The following PACS1 variants were observed in gnomAD, a reference collection of about 807,000 sequenced individuals.
PACS1 encodes the protein PACS-1.
A neutral mutation model predicts 115.0 loss-of-function variants in PACS1; 24 were observed. That is an observed-to-expected ratio of 0.21 (90% CI 0.15 to 0.29). PACS1 has a LOEUF of 0.29. PACS1 is among the 10% of genes least tolerant of loss of function. The pLI is 1.00. For missense variants in PACS1, 838 were observed against 1,251.2 expected (o/e 0.67, Z 4.98); for synonymous variants, 453 against 504.5 (o/e 0.90, Z 1.37).
In PACS1 at chr11:66,195,855, C is replaced by A. The variant is rs187445940; in HGVS notation, c.444+2282C>A. On this transcript the variant is annotated intron_variant, in intron 2 of 23. Transcript: ENST00000320580. ...TGAGCAGTAATTCCCCAAAGGAGAT[C>A]TGCAGACCCTGAGGTCTCTAAGACA... 5.3e-5 allele frequency among the ~76,000 whole-genome samples: 8 copies of A among 152,342 alleles called. No homozygotes were observed. The East Asian group carries it at 1.5e-3, about 29-fold the overall frequency.
At position 66,238,619 on chromosome 11, in the gene PACS1, G is replaced by A. The variant is rs959126947; in HGVS notation, c.2251-185G>A. The A allele has an allele frequency of 1.2e-5, 7 of 600,178 alleles. No homozygotes were observed. The East Asian group carries it at 1.9e-4, about 16-fold the overall frequency. 37.2% of individuals were successfully genotyped at this position (600,178 alleles called of 1,614,324 possible). On this transcript the variant is annotated intron_variant, in intron 19 of 23. Coordinates refer to ENST00000320580, the MANE Select transcript of PACS1 (RefSeq NM_018026.4). Reference sequence around the variant, plus strand: ...AGGTTCAAGCGATTCTCCTATCTCAGCCTCCCAAAGTGCTGGGATTACAGG... The same window carrying A: ...AGGTTCAAGCGATTCTCCTATCTCAACCTCCCAAAGTGCTGGGATTACAGG...
intron 1 of PACS1, among the ~76,000 whole-genome samples, chr11:66,080,976 C>G (rs182688473): frequency 3.6e-4 from 55 of 152,202 alleles, no homozygotes; most frequent in African/African-American, 1.2e-3. Flanking sequence ...TACTTATAAC[C>G]CCAGCAATTT....
chr11:66,193,333 G>A (rs1364169013), intron 1 of PACS1, among the ~76,000 whole-genome samples, 153 bp from the exon 2 acceptor site: 1 of 152,084 alleles, frequency 6.6e-6, no homozygotes, highest in Non-Finnish European at 1.5e-5. Context: ...AAGTAAGAGG[G>A]GATGCTCTTC....
chr11:66,161,101 AGT>A (rs1227112620), intron 1 of PACS1, among the ~76,000 whole-genome samples: 1 of 152,168 alleles, frequency 6.6e-6, no homozygotes, highest in Non-Finnish European at 1.5e-5. Context: ...GGCAGAGGTA[AGT>A]GTATGTGTTT....
intron 4 of PACS1, among the ~76,000 whole-genome samples, chr11:66,215,669 C>CG (rs1855183802): frequency 6.6e-6 from 1 of 151,804 alleles, no homozygotes; most frequent in South Asian, 2.1e-4. Flanking sequence ...GAGGCCGAGG[C>CG]GGGCAGATCA....
Position 66,136,666 on chromosome 11 carries a change from C to G in PACS1, c.357-56820C>G, listed in dbSNP as rs1858853317. 2.0e-5 allele frequency among the ~76,000 whole-genome samples: 3 copies of G among 152,148 alleles called. No individual in the cohort carries two copies. In the South Asian group the frequency reaches 6.2e-4, roughly 32 times the overall value. On this transcript the variant is annotated intron_variant, in intron 1 of 23. Coordinates refer to ENST00000320580, the MANE Select transcript of PACS1 (RefSeq NM_018026.4). ...TCCAAAAAACTTCATACAAGTTGACCCTCATCTAGCCTTGGCCCGAGTGCT... is the reference window on the plus strand; with the variant it reads ...TCCAAAAAACTTCATACAAGTTGACGCTCATCTAGCCTTGGCCCGAGTGCT...
chr11:66,174,761 C>T (rs1322150299), intron 1 of PACS1, among the ~76,000 whole-genome samples: 1 of 152,076 alleles, frequency 6.6e-6, no homozygotes, highest in Non-Finnish European at 1.5e-5. Context: ...CACAAGGGGT[C>T]GTATTTTGAT....
At chr11:66,227,192 G>A (rs1406694061) in intron 10 of PACS1, among the ~76,000 whole-genome samples, 2 of 152,210 alleles carry the variant, frequency 1.3e-5, no homozygotes, top group Admixed American at 1.3e-4. Flanking sequence ...CAGGGTCAAA[G>A]ACTTCATGGA....
intron 1 of PACS1, among the ~76,000 whole-genome samples, chr11:66,129,015 G>A (rs577809478): frequency 3.9e-4 from 60 of 152,192 alleles, no homozygotes; most frequent in African/African-American, 1.2e-3. Flanking sequence ...AATGATCTGC[G>A]TCTTGGCTAT....
chr11:66,070,958 G>A lies in PACS1; in HGVS notation c.356+116G>A. 1 of 1,079,760 alleles carries A rather than the reference G, an allele frequency of 9.3e-7. No homozygotes were observed. Among genetic ancestry groups the A allele is most frequent in the Non-Finnish European group, 1.2e-6 (1 of 820,252 alleles). The allele number at this position is 1,079,760 out of a possible 1,614,324, so 66.9% of individuals were successfully genotyped here. Reference sequence around the variant, plus strand: ...CCCTCCATCTCCCCGACTGTCCCGCGGCCCGGCCTGGCTCCAGCCAGGCCT... The same window carrying A: ...CCCTCCATCTCCCCGACTGTCCCGCAGCCCGGCCTGGCTCCAGCCAGGCCT... On this transcript the variant is annotated intron_variant, in intron 1 of 23. Coordinates refer to ENST00000320580, the MANE Select transcript of PACS1 (RefSeq NM_018026.4). This position sits in a 1 kb window ranked among gnomAD's most constrained non-coding sequence, Gnocchi z 5.9.
At chr11:66,217,884 C>T (rs1855250123) in intron 7 of PACS1, 7 of 274,788 alleles carry the variant, frequency 2.5e-5, no homozygotes, top group South Asian at 1.6e-4. Flanking sequence ...TTCTTCCCAA[C>T]GGGTGCCCCC....
chr11:66,224,338 G>T (rs1193939986), intron 10 of PACS1, among the ~76,000 whole-genome samples: 4 of 152,142 alleles, frequency 2.6e-5, no homozygotes, highest in Non-Finnish European at 5.9e-5. Flanking sequence ...CACTGACTGT[G>T]TGATCTTGGG....
At chr11:66,124,038 G>A (rs1433703210) in intron 1 of PACS1, among the ~76,000 whole-genome samples, 4 of 152,202 alleles carry the variant, frequency 2.6e-5, no homozygotes, top group Non-Finnish European at 5.9e-5. Flanking sequence ...ACTGTCAAGG[G>A]CAGGCATTCT....
chr11:66,108,600 A>G (rs1042042653), intron 1 of PACS1, among the ~76,000 whole-genome samples: 1 of 152,012 alleles, frequency 6.6e-6, no homozygotes, highest in Admixed American at 6.6e-5. Flanking sequence ...TTATCTCTAC[A>G]AAGAAAAAAA....
At chr11:66,178,727 T>C (rs1302948265) in intron 1 of PACS1, among the ~76,000 whole-genome samples, 1 of 152,172 alleles carries the variant, frequency 6.6e-6, no homozygotes, top group East Asian at 1.9e-4. Flanking sequence ...TCAGATCTCT[T>C]TACTGTGTGG....
chr11:66,233,648 CCTCT>C lies in PACS1; in HGVS notation c.1839-134_1839-131del. ...CACTGTGGCTTATTCCCTGTATGAT[CCTCT>C]CTGTTTTATTTTGTGGATTGGTTTG... On this transcript the variant is annotated intron_variant, in intron 15 of 23. Transcript: ENST00000320580. The surrounding 1 kb of genome is among the most constrained non-coding windows in gnomAD (Gnocchi z 4.5). 5.1e-6 allele frequency: 4 copies of C among 777,240 alleles called. No individual in the cohort carries two copies. The highest frequency in any genetic ancestry group is 8.1e-6 in the Non-Finnish European group (4 of 493,550). The allele number at this position is 777,240 out of a possible 1,614,324, so 48.1% of individuals were successfully genotyped here. A position where few individuals can be genotyped will look rare whatever the true frequency, so the allele number is the denominator to read the frequency against.
intron 10 of PACS1, among the ~76,000 whole-genome samples, chr11:66,225,019 A>G (rs1339115319): frequency 6.6e-6 from 1 of 152,232 alleles, no homozygotes; most frequent in East Asian, 1.9e-4. Flanking sequence ...CAATGGCAAC[A>G]TAATTTGGTT....
At chr11:66,135,927 G>T (rs1858831286) in intron 1 of PACS1, among the ~76,000 whole-genome samples, 1 of 152,042 alleles carries the variant, frequency 6.6e-6, no homozygotes, top group Non-Finnish European at 1.5e-5. Flanking sequence ...AAAGTGCTGG[G>T]ATTACAGGCG....
intron 2 of PACS1, among the ~76,000 whole-genome samples, chr11:66,194,271 C>G (rs1284457202): frequency 6.6e-6 from 1 of 152,064 alleles, no homozygotes; most frequent in African/African-American, 2.4e-5. Context: ...GCCTGCACTT[C>G]AGAGGTTTTC....
Sources: gnomAD v4.1 joint callset for allele counts (sites outside exome capture counted in the v4.1 genomes callset) on GRCh38, gnomAD v4.1.1 for gene constraint, Gnocchi (gnomAD v3.1) non-coding constraint, MANE v1.5 for transcripts, NCBI Gene and HGNC (gene_info 2026-07-23, HGNC 2026-07-21) for gene names.